Variants in LRP6 observed in about 807,000 individuals in gnomAD.
LRP6 encodes LDL receptor related protein 6.
In LRP6, 43 loss-of-function variants were observed where a neutral mutation model predicts 184.1. The ratio of observed to expected loss-of-function variants is 0.23; its 90% CI spans 0.18 to 0.30. The LOEUF is 0.30. LRP6 is among the 10% of genes least tolerant of loss of function. The probability of loss-of-function intolerance (pLI) is 1.00; values close to 1 mark genes in which losing one functional copy is unlikely to be tolerated. For synonymous variants in LRP6, 719 were observed against 684.9 expected, an observed-to-expected ratio of 1.05 and a Z score of -0.78; for missense variants, 1,571 against 2,005.3, an observed-to-expected ratio of 0.78 and a Z score of 4.14.
intron 7 of LRP6, among the ~76,000 whole-genome samples, chr12:12,172,865 C>T (rs991562125): frequency 1.3e-5 from 2 of 152,190 alleles, no homozygotes; most frequent in East Asian, 1.9e-4. Context: ...GGACACCACA[C>T]ACCTGTTTGA....
intron 2 of LRP6, among the ~76,000 whole-genome samples, chr12:12,223,558 C>T (rs537252743): frequency 1.3e-5 from 2 of 152,190 alleles, no homozygotes; most frequent in South Asian, 4.2e-4. Context: ...TAGGTATGGG[C>T]CTAACACCCT....
intron 7 of LRP6, among the ~76,000 whole-genome samples, chr12:12,167,184 T>A (rs1055498816): frequency 6.6e-6 from 1 of 152,252 alleles, no homozygotes; most frequent in African/African-American, 2.4e-5. Context: ...AAGACCTTTT[T>A]AGTAAACATA....
chr12:12,260,205 C>G (rs375896481), intron 1 of LRP6, among the ~76,000 whole-genome samples: 271 of 152,036 alleles, frequency 1.8e-3, no homozygotes, highest in African/African-American at 6.4e-3. Context: ...GGTGAAACCC[C>G]GTCTCCACTA....
chr12:12,243,618 A>G (rs1474144237), intron 2 of LRP6, among the ~76,000 whole-genome samples: 1 of 152,180 alleles, frequency 6.6e-6, no homozygotes, highest in Non-Finnish European at 1.5e-5. Flanking sequence ...CAGAAACACT[A>G]AGAACACAAC....
At chr12:12,196,864 T>C (rs1863776003) in intron 3 of LRP6, among the ~76,000 whole-genome samples, 1 of 152,316 alleles carries the variant, frequency 6.6e-6, no homozygotes, top group East Asian at 1.9e-4. Context: ...CTGTTCTTTT[T>C]CTTCTTGTGA....
At chr12:12,155,457 A>G (rs535054954) in intron 12 of LRP6, 5 of 966,026 alleles carry the variant, frequency 5.2e-6, no homozygotes, top group African/African-American at 4.8e-5. Flanking sequence ...AGGGTCTACA[A>G]TGTTACCCAG....
chr12:12,248,967 T>C (rs1456873851), intron 1 of LRP6: 1 of 496,278 alleles, frequency 2.0e-6, no homozygotes, highest in African/African-American at 1.9e-5. Flanking sequence ...AAAATTAAAG[T>C]TCACAAGCAA....
At chr12:12,222,443 T>C (rs1864514603) in intron 2 of LRP6, among the ~76,000 whole-genome samples, 1 of 151,656 alleles carries the variant, frequency 6.6e-6, no homozygotes, top group Non-Finnish European at 1.5e-5. Context: ...TGGTGGTGCC[T>C]GTAATCCCAC....
chr12:12,153,776 G>A (rs963144864), intron 12 of LRP6, among the ~76,000 whole-genome samples: 4 of 152,104 alleles, frequency 2.6e-5, no homozygotes, highest in Admixed American at 6.5e-5. Flanking sequence ...CTTGAGTCTC[G>A]CATTCCCACA....
chr12:12,249,471 C>T (rs908724642), intron 1 of LRP6: 3 of 679,388 alleles, frequency 4.4e-6, no homozygotes, highest in East Asian at 2.5e-5. Flanking sequence ...AGCAATTAAT[C>T]GAAAAGAAAA....
chr12:12,152,568 A>G (rs1021520998), intron 12 of LRP6, among the ~76,000 whole-genome samples: 5 of 152,190 alleles, frequency 3.3e-5, no homozygotes, highest in African/African-American at 1.2e-4. Context: ...TGCAGATGTG[A>G]GCCACCATGC....
intron 1 of LRP6, among the ~76,000 whole-genome samples, chr12:12,258,400 G>A (rs1360345647): frequency 6.6e-6 from 1 of 152,172 alleles, no homozygotes; most frequent in African/African-American, 2.4e-5. Context: ...CCATGACCCA[G>A]ACTAAGAAAT....
chr12:12,222,805 C>T (rs891823464), intron 2 of LRP6, among the ~76,000 whole-genome samples: 16 of 152,012 alleles, frequency 1.1e-4, no homozygotes, highest in Admixed American at 8.5e-4. Flanking sequence ...TACTATCTTT[C>T]CTTACATTAG....
In LRP6 at chr12:12,203,354, C is replaced by T. The variant is rs756717201; in HGVS notation, c.496G>A (p.Ala166Thr). 1 of 1,614,000 alleles carries T rather than the reference C, an allele frequency of 6.2e-7. No individual in the cohort carries two copies. Among genetic ancestry groups the T allele is most frequent in the African/African-American group, 1.3e-5 (1 of 74,924 alleles). ...DWGEVPKIER[A>T]GMDGSSRFII... The stretch of plus-strand genomic sequence containing the variant: ...AAGCGACTTGAACCATCCATTCCAG[C>T]ACGTTCTATCTTTGGCACTTCTCCC... The change falls in exon 3 of 23, where the codon GCT (alanine) becomes ACT (threonine). Residue 166 changes from alanine to threonine, a missense_variant. Ala to Thr is a moderately conservative substitution (Grantham distance 58). This residue lies in a region of LRP6 where 640 missense variants were observed against 851.9 expected (regional missense o/e 0.75). Coordinates refer to ENST00000261349, the MANE Select transcript of LRP6 (RefSeq NM_002336.3).
At chr12:12,192,882 C>A (rs536548818) in intron 3 of LRP6, among the ~76,000 whole-genome samples, 40 of 152,168 alleles carry the variant, frequency 2.6e-4, no homozygotes, top group Admixed American at 6.5e-4. Flanking sequence ...TATTAACCAA[C>A]TTAACCTACT....
intron 1 of LRP6, among the ~76,000 whole-genome samples, chr12:12,245,773 T>A (rs1865169144): frequency 6.6e-6 from 1 of 151,958 alleles, no homozygotes; most frequent in Non-Finnish European, 1.5e-5. Flanking sequence ...AAATTCCATG[T>A]TTTTTGGTTT....
chr12:12,212,736 G>A (rs184627910), intron 2 of LRP6, among the ~76,000 whole-genome samples: 198 of 152,234 alleles, frequency 1.3e-3, no homozygotes, highest in Admixed American at 3.9e-3. Context: ...TCATTAAATG[G>A]TCTCATAGAG....
chr12:12,246,097 G>A (rs1027761086), intron 1 of LRP6, among the ~76,000 whole-genome samples: 1 of 145,760 alleles, frequency 6.9e-6, no homozygotes, highest in Non-Finnish European at 1.5e-5. Flanking sequence ...CCGCCTCCCA[G>A]GTTCAAGCAA....
chr12:12,154,623 G>A (rs571907552), intron 12 of LRP6, among the ~76,000 whole-genome samples: 6 of 152,256 alleles, frequency 3.9e-5, no homozygotes, highest in East Asian at 3.9e-4. Context: ...CCAGCAACTC[G>A]GAAGATTGAG....
Sources: allele counts gnomAD v4.1 joint callset (sites outside exome capture counted in the v4.1 genomes callset), GRCh38; gene constraint gnomAD v4.1.1; regional missense constraint gnomAD v4.1.1; transcripts MANE v1.5; gene names NCBI Gene and HGNC (gene_info 2026-07-23, HGNC 2026-07-21).